Variants in RTN4 observed in about 807,000 individuals in gnomAD.
RTN4 encodes reticulon 4.
In RTN4, 32 loss-of-function variants were observed where a neutral mutation model predicts 90.4. That is an observed-to-expected ratio of 0.35 (90% CI 0.27 to 0.48). RTN4 has a LOEUF of 0.48. Ranked by LOEUF, RTN4 falls within the 20% of genes least tolerant of loss-of-function variation. The pLI is 0.99. For synonymous variants in RTN4, 629 were observed against 552.5 expected (o/e 1.14, Z -1.94); for missense variants, 1,706 against 1,430.2 (o/e 1.19, Z -3.11).
At chr2:54,995,844 C>T (rs1029073230) in intron 3 of RTN4, among the ~76,000 whole-genome samples, 2 of 152,150 alleles carry the variant, frequency 1.3e-5, no homozygotes, top group African/African-American at 4.8e-5. Context: ...GGAGAACATA[C>T]AAATCCCATA....
At position 55,072,433 on chromosome 2, in the gene RTN4, G is replaced by A. The variant is rs553899240; in HGVS notation, c.-63+8056C>T. Among the ~76,000 whole-genome samples, 548 of 152,136 alleles carry A rather than the reference G, an allele frequency of 3.6e-3. 1 individual carries two copies. In the Middle Eastern group the frequency reaches 0.041, roughly 11 times the overall value. On this transcript the variant is annotated intron_variant, in intron 2 of 3. Transcript: ENST00000427710. ...TTTAGTAGAGATGGGGTTTCACTGC[G>A]TTAGCCAGGATGGTCTCGATCTCCT...
intron 2 of RTN4, among the ~76,000 whole-genome samples, chr2:55,073,815 A>C (rs1198709843): frequency 6.6e-6 from 1 of 152,234 alleles, no homozygotes; most frequent in African/African-American, 2.4e-5. Flanking sequence ...TTCTTCACTT[A>C]AAGGCAAAGA....
At chr2:55,003,817 G>A (rs1680014761) in intron 3 of RTN4, among the ~76,000 whole-genome samples, 2 of 152,102 alleles carry the variant, frequency 1.3e-5, no homozygotes, top group African/African-American at 4.8e-5. Flanking sequence ...ACTCAGAGAT[G>A]ATCTCAACAA....
intron 4 of RTN4, among the ~76,000 whole-genome samples, chr2:54,983,273 T>A (rs1678289181): frequency 6.6e-6 from 1 of 151,846 alleles, no homozygotes; most frequent in African/African-American, 2.4e-5. Flanking sequence ...GATGTTTTAA[T>A]CCATACCGAG....
chr2:55,014,521 C>CA (rs1479762574), intron 3 of RTN4: 1 of 140,822 alleles, frequency 7.1e-6, no homozygotes, highest in Non-Finnish European at 1.5e-5. Flanking sequence ...CTGAAGCAAG[C>CA]ATTTTTTTTT....
chr2:55,072,800 A>T (rs1668539310), intron 2 of RTN4, among the ~76,000 whole-genome samples: 1 of 152,226 alleles, frequency 6.6e-6, no homozygotes, highest in Non-Finnish European at 1.5e-5. Context: ...AACTATAAGG[A>T]TCACAACTAT....
At chr2:55,019,333 C>G (rs1291738245) in intron 3 of RTN4, among the ~76,000 whole-genome samples, 1 of 152,118 alleles carries the variant, frequency 6.6e-6, no homozygotes, top group Non-Finnish European at 1.5e-5. Flanking sequence ...CAATGGTTTA[C>G]TAAATTGGAG....
the RTN4 span, among the ~76,000 whole-genome samples, chr2:55,125,697 C>A: frequency 1.3e-5 from 2 of 152,118 alleles, no homozygotes; most frequent in African/African-American, 4.8e-5. Flanking sequence ...ACTCAGGAGG[C>A]GGAGGTTGCA....
upstream of RTN4, among the ~76,000 whole-genome samples, chr2:55,114,909 T>C (rs1668098125): frequency 6.6e-6 from 1 of 152,054 alleles, no homozygotes; most frequent in Non-Finnish European, 1.5e-5. Flanking sequence ...AGCTTAAAGA[T>C]GCCTTACGAG....
At chr2:54,978,448 A>AG (rs202000601) in intron 5 of RTN4, among the ~76,000 whole-genome samples, 3,583 of 151,266 alleles carry the variant, frequency 0.024, 68 homozygotes, top group Non-Finnish European at 0.037. Flanking sequence ...AAAAAAAAAA[A>AG]AAAAAGAGCT....
intron 3 of RTN4, among the ~76,000 whole-genome samples, chr2:55,014,702 A>G (rs919480907): frequency 5.3e-5 from 8 of 152,022 alleles, no homozygotes; most frequent in African/African-American, 1.9e-4. Flanking sequence ...TTTTTAGTAG[A>G]GACGAGGATT....
intron 3 of RTN4, among the ~76,000 whole-genome samples, chr2:54,995,423 G>A (rs556140782): frequency 1.3e-5 from 2 of 152,112 alleles, no homozygotes; most frequent in African/African-American, 4.8e-5. Flanking sequence ...CAAATACTGT[G>A]GTAGGAGCAC....
At chr2:55,048,248 A>C (rs1420021140) in intron 1 of RTN4, among the ~76,000 whole-genome samples, 1 of 152,246 alleles carries the variant, frequency 6.6e-6, no homozygotes, top group Non-Finnish European at 1.5e-5. Flanking sequence ...TGTGGACGTG[A>C]GTAGTGAGTG....
At chr2:55,068,939 A>G (rs1255261035) in intron 2 of RTN4, among the ~76,000 whole-genome samples, 2 of 152,250 alleles carry the variant, frequency 1.3e-5, no homozygotes, top group East Asian at 3.8e-4. Context: ...CACAAAGACA[A>G]TTAGTGTACT....
chr2:55,050,923 C>G (rs1385998758), upstream of RTN4: 1 of 152,086 alleles, frequency 6.6e-6, no homozygotes, highest in Non-Finnish European at 1.5e-5. This position sits in a 1 kb window ranked among gnomAD's most constrained non-coding sequence, Gnocchi z 4.6. Context: ...CCTGGGGGAA[C>G]TGAGAGTGGA....
chr2:54,999,870 T>C (rs569547741), intron 3 of RTN4, among the ~76,000 whole-genome samples: 1 of 152,266 alleles, frequency 6.6e-6, no homozygotes, highest in East Asian at 1.9e-4. Context: ...ACAAAAAGGA[T>C]CTGTGCAGAG....
At chr2:55,083,512 AC>A (rs1240169017) in intron 1 of RTN4, among the ~76,000 whole-genome samples, 3 of 152,176 alleles carry the variant, frequency 2.0e-5, no homozygotes, top group African/African-American at 4.8e-5. Context: ...AGAAAAAAAA[AC>A]AACCAGGATG....
the RTN4 span, among the ~76,000 whole-genome samples, chr2:55,118,784 G>T: frequency 6.6e-6 from 1 of 152,200 alleles, no homozygotes. Flanking sequence ...CTCTAATGCA[G>T]ATGAGGACGC....
At chr2:55,059,836 AAAAGAGAGAGAGAG>A (rs1207731836) in intron 2 of RTN4, among the ~76,000 whole-genome samples, 1 of 151,990 alleles carries the variant, frequency 6.6e-6, no homozygotes, top group Non-Finnish European at 1.5e-5. Context: ...TCTGTCTCAA[AAAAGAGAGAGAGAG>A]AAAGAGAGAG....
Sources: gnomAD v4.1 joint callset for allele counts (sites outside exome capture counted in the v4.1 genomes callset) on GRCh38, gnomAD v4.1.1 for gene constraint, Gnocchi (gnomAD v3.1) non-coding constraint, MANE v1.5 for transcripts, NCBI Gene and HGNC (gene_info 2026-07-23, HGNC 2026-07-21) for gene names.